OPCML: variants seen among roughly 807,000 people sequenced by gnomAD.
OPCML encodes opioid-binding protein/cell adhesion molecule.
A neutral mutation model predicts 37.8 loss-of-function variants in OPCML; 13 were observed. The observed-to-expected ratio is 0.34, with a 90% CI of 0.22 to 0.55. OPCML has a LOEUF of 0.55. Among genes scored for constraint, OPCML ranks in the 20% least tolerant of loss-of-function variants. The pLI is 0.91. For missense variants in OPCML, 341 were observed against 435.6 expected (o/e 0.78, Z 1.93); for synonymous variants, 176 against 168.8 (o/e 1.04, Z -0.33).
chr11:133,287,588 T>C (rs1156595672), intron 1 of OPCML, among the ~76,000 whole-genome samples: 2 of 148,112 alleles, frequency 1.4e-5, no homozygotes, highest in Admixed American at 6.7e-5. Flanking sequence ...CAGACAAAAA[T>C]TGGTGTGAAC....
chr11:133,027,027 T>C (rs1470445344), intron 1 of OPCML, among the ~76,000 whole-genome samples: 2 of 152,226 alleles, frequency 1.3e-5, no homozygotes, highest in African/African-American at 4.8e-5. Flanking sequence ...TGGAGGGATC[T>C]GTAGCTGAAA....
intron 1 of OPCML, among the ~76,000 whole-genome samples, chr11:133,195,692 C>A (rs1938509608): frequency 6.6e-6 from 1 of 152,192 alleles, no homozygotes; most frequent in Admixed American, 6.5e-5. Flanking sequence ...TTTACTTCTA[C>A]ATTTTAAAAT....
chr11:133,171,400 G>A (rs1950286870), intron 1 of OPCML, among the ~76,000 whole-genome samples: 1 of 152,180 alleles, frequency 6.6e-6, no homozygotes, highest in African/African-American at 2.4e-5. Flanking sequence ...TATGACCCCT[G>A]AAGGGCAACC....
rs532356528 is a variant in OPCML, at chr11:133,016,734, G to A, written c.62-73724C>T. ...GTTAATAAAAAGGAGAGAGAGAAGGGATGTCTCCACAGCTTATTTCAGTAC... is the reference window on the plus strand; with the variant it reads ...GTTAATAAAAAGGAGAGAGAGAAGGAATGTCTCCACAGCTTATTTCAGTAC... On this transcript the variant is annotated intron_variant, in intron 1 of 7. Transcript: ENST00000524381. Among the ~76,000 whole-genome samples the A allele has an allele frequency of 2.0e-5, 3 of 152,284 alleles. No homozygotes were observed. In the East Asian group the frequency reaches 5.8e-4, roughly 29 times the overall value.
intron 1 of OPCML, among the ~76,000 whole-genome samples, chr11:133,328,777 C>T (rs951620139): frequency 6.6e-6 from 1 of 152,138 alleles, no homozygotes; most frequent in African/African-American, 2.4e-5. Context: ...TGGCACAAGA[C>T]AGGGATGCCC....
At chr11:132,572,836 T>A (rs1268919338) in intron 3 of OPCML, among the ~76,000 whole-genome samples, 1 of 152,046 alleles carries the variant, frequency 6.6e-6, no homozygotes, top group Admixed American at 6.5e-5. Context: ...TAGATTATTT[T>A]GGGTAGTATG....
chr11:133,005,551 A>G (rs1947093153), intron 1 of OPCML: 7 of 985,210 alleles, frequency 7.1e-6, no homozygotes, highest in Non-Finnish European at 8.4e-6. Flanking sequence ...GCTAAGACAT[A>G]TTTTTGAAAA....
chr11:133,441,709 A>G lies in OPCML; in HGVS notation c.61+90555T>C, dbSNP rs141472767. ...TGGAGAAAGTGGACAGATTTGATGA[A>G]AGAAGAATTATAAACTTCCTTAACT... On this transcript the variant is annotated intron_variant, in intron 1 of 7. Transcript: ENST00000524381. Among the ~76,000 whole-genome samples the G allele has an allele frequency of 2.8e-3, 432 of 152,268 alleles. 3 individuals carry two copies. Among genetic ancestry groups the G allele is most frequent in the African/African-American group, 0.01 (416 of 41,574 alleles).
intron 1 of OPCML, among the ~76,000 whole-genome samples, chr11:133,429,237 G>A (rs894444783): frequency 6.6e-6 from 1 of 152,194 alleles, no homozygotes; most frequent in Non-Finnish European, 1.5e-5. Context: ...CAACTGCAAA[G>A]CCACTGAGGT....
At chr11:133,361,420 G>C (rs1263548840) in intron 1 of OPCML, 2 of 152,470 alleles carry the variant, frequency 1.3e-5, no homozygotes, top group Non-Finnish European at 2.9e-5. Flanking sequence ...CCCCCTCCAG[G>C]TCCTGGCGGT....
intron 4 of OPCML, among the ~76,000 whole-genome samples, chr11:132,490,621 A>G (rs1345272527): frequency 6.6e-6 from 1 of 152,022 alleles, no homozygotes; most frequent in Non-Finnish European, 1.5e-5. Flanking sequence ...GATCGAGACC[A>G]ACCTGGCTAA....
At chr11:132,567,229 T>C (rs980884740) in intron 3 of OPCML, among the ~76,000 whole-genome samples, 15 of 152,126 alleles carry the variant, frequency 9.9e-5, no homozygotes, top group African/African-American at 3.4e-4. Flanking sequence ...CCAGTTCTCA[T>C]GGTGAAAAAT....
At chr11:133,055,392 C>T (rs181417533) in intron 1 of OPCML, among the ~76,000 whole-genome samples, 1 of 149,280 alleles carries the variant, frequency 6.7e-6, no homozygotes, top group East Asian at 2.1e-4. Context: ...AGTGGTGAGA[C>T]CCCATGAGGG....
chr11:133,459,137 A>G (rs1260323075), intron 1 of OPCML, among the ~76,000 whole-genome samples: 34 of 152,142 alleles, frequency 2.2e-4, no homozygotes, highest in Admixed American at 2.2e-3. Flanking sequence ...GACTAAAGTT[A>G]CATTGGCATC....
At position 132,770,464 on chromosome 11, in the gene OPCML, C is replaced by T. The variant is rs1427446045; in HGVS notation, c.147-113145G>A. Among the ~76,000 whole-genome samples, 6 of 152,100 alleles carry T rather than the reference C, an allele frequency of 3.9e-5. 1 individual carries two copies. The highest frequency in any genetic ancestry group is 4.2e-4 in the South Asian group (2 of 4,808). ...AAAACAAGAAATAGATACTGAGGTA[C>T]ATTTTGACTTTCTCAAATGGTCTCT... On this transcript the variant is annotated intron_variant, in intron 2 of 7. Transcript: ENST00000524381.
chr11:132,996,095 A>G (rs1018785758), intron 1 of OPCML, among the ~76,000 whole-genome samples: 18 of 149,984 alleles, frequency 1.2e-4, no homozygotes, highest in Admixed American at 2.7e-4. Context: ...TCCCTTCTTC[A>G]ATAGCAATTC....
intron 2 of OPCML, among the ~76,000 whole-genome samples, chr11:132,909,041 C>T (rs760392498): frequency 1.1e-4 from 16 of 150,620 alleles, no homozygotes; most frequent in South Asian, 4.2e-4. Context: ...GGCAAGGGTG[C>T]CTCAGAGACA....
chr11:132,758,713 T>C (rs1211545822), intron 2 of OPCML, among the ~76,000 whole-genome samples: 1 of 152,142 alleles, frequency 6.6e-6, no homozygotes, highest in African/African-American at 2.4e-5. Flanking sequence ...TAAACAATGG[T>C]GTTTTCTAAA....
intron 2 of OPCML, among the ~76,000 whole-genome samples, chr11:132,855,499 G>A (rs1308248348): frequency 6.6e-6 from 1 of 152,206 alleles, no homozygotes; most frequent in East Asian, 1.9e-4. Flanking sequence ...TATCTGTGCA[G>A]CAGGCATGAA....
Sources: gnomAD v4.1 joint callset for allele counts (sites outside exome capture counted in the v4.1 genomes callset) on GRCh38, gnomAD v4.1.1 for gene constraint, MANE v1.5 for transcripts, NCBI Gene and HGNC (gene_info 2026-07-23, HGNC 2026-07-21) for gene names.